SLC7A4: variants seen among roughly 807,000 people sequenced by gnomAD.
The protein encoded by SLC7A4 is solute carrier family 7 member 4, also known as cationic amino acid transporter 4.
In SLC7A4, 30 loss-of-function variants were observed where a neutral mutation model predicts 37.8. That is an observed-to-expected ratio of 0.79 (90% CI 0.59 to 1.08). The LOEUF (loss-of-function observed/expected upper bound fraction) is 1.08. SLC7A4 is among the 50% of genes least tolerant of loss of function. The pLI, the probability that SLC7A4 is intolerant of heterozygous loss-of-function variation, is 0.00. For missense variants in SLC7A4, 839 were observed against 843.2 expected, an observed-to-expected ratio of 1.00 and a Z score of 0.06; for synonymous variants, 359 against 376.5, an observed-to-expected ratio of 0.95 and a Z score of 0.54.
chr22:21,031,730 G>A lies in SLC7A4; in HGVS notation c.83C>T (p.Thr28Ile), dbSNP rs2072550. 0.14 allele frequency: 219,537 copies of A among 1,608,192 alleles called. 24,146 individuals carry two copies. The highest frequency in any genetic ancestry group is 0.54 in the East Asian group (24,337 of 44,752). The change falls in exon 2 of 5, where the codon ACC becomes ATC. Residue 28 changes from threonine (T) to isoleucine (I), a missense_variant. Thr to Ile is a moderately conservative substitution (Grantham distance 89). Coordinates refer to ENST00000382932, the MANE Select transcript of SLC7A4 (RefSeq NM_004173.3). ...GCAGCGCCGCAGTGACGTCTCCATG[G>A]TGGAGTCCTCCAGCGGCTTCAGGCG... is the stretch of plus-strand genomic sequence containing the variant. ...LNRLKPLEDS[T>I]METSLRRCLS...
At chr22:21,029,484 A>G in intron 3 of SLC7A4, 40 bp from the exon 4 acceptor site, 1 of 1,476,672 alleles carries the variant, frequency 6.8e-7, no homozygotes, top group South Asian at 1.1e-5. Context: ...GCCGGGCTGC[A>G]GGAAAGATCT....
chr22:21,029,263 A>G (rs1433371740), intron 4 of SLC7A4, 33 bp from the exon 5 acceptor site: 2 of 1,612,676 alleles, frequency 1.2e-6, no homozygotes, highest in African/African-American at 2.7e-5. Context: ...CATGAGCCTG[A>G]GGTACAGGTT....
chr22:21,029,827 G>C lies in SLC7A4; in HGVS notation c.1507C>G (p.Leu503Val). 2 of 1,613,732 alleles carry C rather than the reference G, an allele frequency of 1.2e-6. No homozygotes were observed. Among genetic ancestry groups the C allele is most frequent in the East Asian group, 2.2e-5 (1 of 44,882 alleles). ...ATGTAACCCCAGTGTGGGAGGTGCA[G>C]GGTCGAGTTCCCAAAGACAAGCACG... Reference protein sequence around the residue: ...GCVLVFGNSTLHLPHWGYILL... With the variant: ...GCVLVFGNSTVHLPHWGYILL... Residue 503 changes from leucine to valine, a missense_variant, in exon 3 of 5, where the codon CTG (leucine) becomes GTG (valine). Leu to Val is a conservative substitution (Grantham distance 32, BLOSUM62 1). Transcript: ENST00000382932.
Position 21,031,809 on chromosome 22 carries a change from C to A in SLC7A4, c.4G>T (p.Ala2Ser). 1 of 1,492,298 alleles carries A rather than the reference C, an allele frequency of 6.7e-7. No homozygotes were observed. Among genetic ancestry groups the A allele is most frequent in the Non-Finnish European group, 8.9e-7 (1 of 1,125,860 alleles). 92.4% of individuals were successfully genotyped at this position (1,492,298 alleles called of 1,614,324 possible). A position where few individuals can be genotyped will look rare whatever the true frequency, so the allele number is the denominator to read the frequency against. Residue 2 changes from alanine (A) to serine (S), a missense_variant, in exon 2 of 5, where the codon GCC (alanine) becomes TCC (serine). By Grantham distance (99) the Ala-to-Ser change is moderately conservative (BLOSUM62 1). Coordinates refer to ENST00000382932, the MANE Select transcript of SLC7A4 (RefSeq NM_004173.3). ...CTAGCAATGGTGGGCAGCCCCCGGG[C>A]CATGGCAGGTGGCCGAGAAGAGCAC... Reference protein sequence around the residue: MARGLPTIASLA... With the variant: MSRGLPTIASLA...
At position 21,031,599 on chromosome 22, in the gene SLC7A4, G is replaced by C; in HGVS notation, c.214C>G (p.Leu72Val). The change falls in exon 2 of 5, where the codon CTC becomes GTC. Residue 72 changes from leucine to valine, a missense_variant. Physicochemically the swap from Leu to Val is conservative, Grantham distance 32. Transcript: ENST00000382932. ...ACAGCGGCCACACCGAAGGACAAGA[G>C]CACAGCAGGGCCAGCCACCTCCTTG... Reference protein sequence around the residue: ...VAKEVAGPAVLLSFGVAAVAS... With the variant: ...VAKEVAGPAVVLSFGVAAVAS... 6.2e-7 allele frequency: 1 copy of C among 1,606,616 alleles called. No individual in the cohort carries two copies.
intron 2 of SLC7A4, 129 bp downstream of exon 2, chr22:21,030,702 T>C (rs1189258921): frequency 1.8e-6 from 2 of 1,138,684 alleles, no homozygotes; most frequent in East Asian, 5.1e-5. Context: ...TTTCTAATAA[T>C]TAGCACTTTC....
chr22:21,031,807 G>T lies in SLC7A4; in HGVS notation c.6C>A (p.Ala2=). The part of the protein sequence containing the change: M[A]RGLPTIASLA... ...GGCTAGCAATGGTGGGCAGCCCCCG[G>T]GCCATGGCAGGTGGCCGAGAAGAGC... The change falls in exon 2 of 5, where the codon GCC becomes GCA. Residue 2 remains alanine (A), a synonymous_variant. Transcript: ENST00000382932. 3 of 1,494,164 alleles carry T rather than the reference G, an allele frequency of 2.0e-6. No individual in the cohort carries two copies. Among genetic ancestry groups the T allele is most frequent in the Non-Finnish European group, 2.7e-6 (3 of 1,126,904 alleles). 92.6% of individuals were successfully genotyped at this position (1,494,164 alleles called of 1,614,324 possible).
chr22:21,029,978 G>T lies in SLC7A4; in HGVS notation c.1356C>A (p.Val452=), dbSNP rs774968742. Residue 452 remains valine, a synonymous_variant, in exon 3 of 5, where the codon GTC becomes GTA. Transcript: ENST00000382932. ...CTGGCTTCAGCTCCCCTGGCTCAGGGACGGAGGCGTGTACAGTGCCCACCA... is the reference window on the plus strand; with the variant it reads ...CTGGCTTCAGCTCCCCTGGCTCAGGTACGGAGGCGTGTACAGTGCCCACCA... The part of the protein sequence containing the change: ...LQLVGTVHAS[V]PEPGELKPAL... The T allele has an allele frequency of 2.5e-6, 4 of 1,613,940 alleles. No homozygotes were observed. In the African/African-American group the frequency reaches 5.3e-5, roughly 22 times the overall value.
chr22:21,031,165 C>G lies in SLC7A4; in HGVS notation c.648G>C (p.Leu216=). The G allele has an allele frequency of 6.2e-7, 1 of 1,613,692 alleles. No individual in the cohort carries two copies. Among genetic ancestry groups the G allele is most frequent in the South Asian group, 1.1e-5 (1 of 91,046 alleles). The part of the protein sequence containing the change: ...ILFIVILGFI[L]AQPHNWSADE... ...CAGCGCTCCAGTTGTGAGGCTGGGC[C>G]AGGATGAAGCCCAGGATGACAATGA... The change falls in exon 2 of 5, where the codon CTG becomes CTC. Residue 216 remains leucine, a synonymous_variant. Transcript: ENST00000382932.
Position 21,031,573 on chromosome 22 carries a change from C to CA in SLC7A4, c.239dup (p.Ala81GlyfsTer74). ...AGCATAGGGCTGCCAGCAGGGAGGC[C>CA]ACAGCGGCCACACCGAAGGACAAGA... On this transcript the variant is annotated frameshift_variant, in exon 2 of 5. Coordinates refer to ENST00000382932, the MANE Select transcript of SLC7A4 (RefSeq NM_004173.3). LOFTEE classifies it high-confidence loss of function. 1 of 1,607,476 alleles carries CA rather than the reference C, an allele frequency of 6.2e-7. No homozygotes were observed. The highest frequency in any genetic ancestry group is 1.1e-5 in the South Asian group (1 of 90,528).
chr22:21,029,766 A>G lies in SLC7A4; in HGVS notation c.1568T>C (p.Leu523Pro), dbSNP rs1385703397. The G allele has an allele frequency of 5.0e-6, 8 of 1,613,340 alleles. No homozygotes were observed. The highest frequency in any genetic ancestry group is 6.8e-6 in the Non-Finnish European group (8 of 1,180,018). The change falls in exon 3 of 5, where the codon CTC (leucine) becomes CCC (proline). Residue 523 changes from leucine to proline, a missense_variant. Leu to Pro is a moderately conservative substitution (Grantham distance 98). Coordinates refer to ENST00000382932, the MANE Select transcript of SLC7A4 (RefSeq NM_004173.3). ...GTGAGCCCCCAGGACAAGGAGGCTG[A>G]GCAGAAACATGACACTGGTGAGCAG... is the stretch of plus-strand genomic sequence containing the variant. ...LLLLTSVMFL[L>P]SLLVLGAHQQ...
In SLC7A4 at chr22:21,029,006, T is replaced by G. The variant is rs1286069169; in HGVS notation, c.*49A>C. 11 of 1,537,994 alleles carry G rather than the reference T, an allele frequency of 7.2e-6. No individual in the cohort carries two copies. Among genetic ancestry groups the G allele is most frequent in the Non-Finnish European group, 9.6e-6 (11 of 1,145,326 alleles). ...GGGCTCTCGGCTTGTCTGGCCTCTC[T>G]GGCCTCCCAAGCAGGTGTGGGAGGG... On this transcript the variant is annotated 3_prime_UTR_variant, in exon 5 of 5. Transcript: ENST00000382932.
chr22:21,031,901 A>G, intron 1 of SLC7A4, 49 bp from the exon 2 acceptor site: 1 of 1,347,406 alleles, frequency 7.4e-7, no homozygotes. Context: ...GGGCCTGACC[A>G]GCCTTCCATC....
Position 21,029,343 on chromosome 22 carries a change from C to G in SLC7A4, c.1725G>C (p.Leu575=), listed in dbSNP as rs780650583. Residue 575 remains leucine, a synonymous_variant, in exon 4 of 5, where the codon CTG becomes CTC. Transcript: ENST00000382932. The part of the protein sequence containing the change: ...YLTWVRFSIW[L]LMGLAVYFGY... ...AGCCTGGCCCCCACTCACCCATCAG[C>G]AGCCAGATGGAGAAGCGCACCCAGG... The G allele has an allele frequency of 5.6e-6, 9 of 1,612,692 alleles. No individual in the cohort carries two copies. In the South Asian group the frequency reaches 9.9e-5, roughly 18 times the overall value.
At position 21,030,945 on chromosome 22, in the gene SLC7A4, G is replaced by GA; in HGVS notation, c.867_868insT (p.Leu290SerfsTer165). ...CTGTGCCAGGGCACCATGAGGGTTA[G>GA]CACGGTGGAGACAAGGATGTAGGCA... On this transcript the variant is annotated frameshift_variant, in exon 2 of 5. Transcript: ENST00000382932. LOFTEE classifies it high-confidence loss of function. The GA allele has an allele frequency of 2.5e-6, 4 of 1,614,060 alleles. No individual in the cohort carries two copies. The highest frequency in any genetic ancestry group is 3.4e-6 in the Non-Finnish European group (4 of 1,179,990).
In SLC7A4 at chr22:21,031,238, G is replaced by A. The variant is rs1242704628; in HGVS notation, c.575C>T (p.Ser192Phe). ...AFVSCGARVS[S>F]WLNHTFSAIS... ...GGCCGAGAAGGTGTGATTGAGCCAG[G>A]AGGACACGCGGGCTCCACAGGAGAC... is the stretch of plus-strand genomic sequence containing the variant. Residue 192 changes from serine (S) to phenylalanine (F), a missense_variant, in exon 2 of 5, where the codon TCC becomes TTC. Coordinates refer to ENST00000382932, the MANE Select transcript of SLC7A4 (RefSeq NM_004173.3). 1.2e-6 allele frequency: 2 copies of A among 1,613,694 alleles called. No homozygotes were observed. The highest frequency in any genetic ancestry group is 1.1e-5 in the South Asian group (1 of 91,062).
chr22:21,031,934 G>A (rs1928901409), intron 1 of SLC7A4, 82 bp from the exon 2 acceptor site: 2 of 986,904 alleles, frequency 2.0e-6, no homozygotes, highest in South Asian at 3.5e-5. Flanking sequence ...ACCACCCCCA[G>A]TCCTCTCTCT....
In SLC7A4 at chr22:21,029,097, G is replaced by A. The variant is rs1363086577; in HGVS notation, c.1866C>T (p.Pro622=). Residue 622 remains proline, a synonymous_variant, in exon 5 of 5, where the codon CCC becomes CCT. Transcript: ENST00000382932. ...SLEETVQAMQ[P]PSQAPAQDPG... ...GGTCCTGTGCTGGTGCCTGGCTGGG[G>A]GGCTGCATAGCCTGCACTGTCTCCT... is the stretch of plus-strand genomic sequence containing the variant. 6.2e-7 allele frequency: 1 copy of A among 1,612,570 alleles called. No homozygotes were observed. The highest frequency in any genetic ancestry group is 8.5e-7 in the Non-Finnish European group (1 of 1,179,774).
At position 21,031,759 on chromosome 22, in the gene SLC7A4, C is replaced by T; in HGVS notation, c.54G>A (p.Leu18=). The stretch of plus-strand genomic sequence containing the variant: ...AGTCCTCCAGCGGCTTCAGGCGGTT[C>T]AGCTTCTGGCATAAGCGTGCCAGGC... ...IASLARLCQK[L]NRLKPLEDST... is the part of the protein sequence containing the mutation. Residue 18 remains leucine, a synonymous_variant, in exon 2 of 5, where the codon CTG becomes CTA. Coordinates refer to ENST00000382932, the MANE Select transcript of SLC7A4 (RefSeq NM_004173.3). 1 of 1,570,268 alleles carries T rather than the reference C, an allele frequency of 6.4e-7. No individual in the cohort carries two copies. The highest frequency in any genetic ancestry group is 1.4e-5 in the African/African-American group (1 of 73,676).
Sources: gnomAD v4.1 joint callset for allele counts on GRCh38, gnomAD v4.1.1 for gene constraint, MANE v1.5 for transcripts, NCBI Gene and HGNC (gene_info 2026-07-23, HGNC 2026-07-21) for gene names.